The following TSGA10 variants were observed in gnomAD, a reference collection of about 807,000 sequenced individuals.
TSGA10 encodes testis specific 10, also known as testis-specific gene 10 protein.
A neutral mutation model predicts 96.6 loss-of-function variants in TSGA10; 43 were observed. That is an observed-to-expected ratio of 0.44 (90% confidence interval 0.35 to 0.57). The LOEUF is 0.57. TSGA10 is among the 20% of genes least tolerant of loss of function. The pLI is 0.01. For synonymous variants in TSGA10, 229 were observed against 269.9 expected, an observed-to-expected ratio of 0.85 and a Z score of 1.48; for missense variants, 703 against 834.4, an observed-to-expected ratio of 0.84 and a Z score of 1.94.
At chr2:99,025,095 A>G (rs1364322545) in intron 17 of TSGA10, among the ~76,000 whole-genome samples, 1 of 151,982 alleles carries the variant, frequency 6.6e-6, no homozygotes, top group Non-Finnish European at 1.5e-5. Flanking sequence ...CTGCAGTTTT[A>G]TTTTCCTGTG....
chr2:99,125,084 CTT>C (rs2092759346), intron 2 of TSGA10: 1 of 152,100 alleles, frequency 6.6e-6, no homozygotes, highest in Non-Finnish European at 1.5e-5. Context: ...AACTACTGCT[CTT>C]TTTATGGTTT....
chr2:99,086,006 T>A (rs773492882), intron 10 of TSGA10, among the ~76,000 whole-genome samples: 13 of 152,088 alleles, frequency 8.5e-5, no homozygotes, highest in Non-Finnish European at 1.5e-4. Context: ...AGATATATGG[T>A]CAATCGATTT....
chr2:99,132,257 C>T (rs1416938198), intron 1 of TSGA10, among the ~76,000 whole-genome samples: 1 of 150,290 alleles, frequency 6.7e-6, no homozygotes, highest in Non-Finnish European at 1.5e-5. Context: ...TAATCCTGGG[C>T]TTTTTTTTTG....
intron 15 of TSGA10, among the ~76,000 whole-genome samples, chr2:99,065,654 T>G (rs1269923559): frequency 6.6e-6 from 1 of 152,238 alleles, no homozygotes; most frequent in African/African-American, 2.4e-5. Context: ...ATTATCTTGA[T>G]CATGAACTGT....
intron 2 of TSGA10, among the ~76,000 whole-genome samples, chr2:99,120,311 T>C (rs1220814132): frequency 1.3e-5 from 2 of 152,198 alleles, no homozygotes; most frequent in African/African-American, 4.8e-5. Context: ...AAAAGTACTT[T>C]AGAAGAGGCA....
intron 12 of TSGA10, among the ~76,000 whole-genome samples, chr2:99,077,433 C>G (rs189048612): frequency 3.9e-5 from 6 of 152,242 alleles, no homozygotes; most frequent in Non-Finnish European, 7.4e-5. Context: ...TAATAAAGCC[C>G]TTATTCCAAT....
intron 20 of TSGA10, among the ~76,000 whole-genome samples, chr2:99,008,871 A>G (rs1396709956): frequency 6.6e-6 from 1 of 152,226 alleles, no homozygotes; most frequent in Non-Finnish European, 1.5e-5. Flanking sequence ...CTATGAATCA[A>G]TATGGAGAGA....
Position 99,071,816 on chromosome 2 carries a change from A to C in TSGA10, c.997T>G (p.Leu333Val), listed in dbSNP as rs544197318. 13 of 1,613,846 alleles carry C rather than the reference A, an allele frequency of 8.1e-6. No homozygotes were observed. Among genetic ancestry groups the C allele is most frequent in the Admixed American group, 5.0e-5 (3 of 59,992 alleles). Residue 333 changes from leucine to valine, a missense_variant, in exon 14 of 21, where the codon TTG (leucine) becomes GTG (valine). This residue lies in a region of TSGA10 where 585 missense variants were observed against 656.8 expected (regional missense o/e 0.89). Transcript: ENST00000393483. The part of the protein sequence containing the change: ...EQDVSRMRRQ[L>V]DETNDELAQI... ...GCCAGCTCATCATTTGTCTCATCCA[A>C]TTGCCGACGCATTCTGGAAACGTCT...
At chr2:99,154,213 C>G (rs1228586054) in intron 1 of TSGA10, 1 of 152,260 alleles carries the variant, frequency 6.6e-6, no homozygotes, top group Non-Finnish European at 1.5e-5. Flanking sequence ...GAAGAATCAC[C>G]CACCTTGCCC....
chr2:99,153,341 T>C (rs892341504), intron 1 of TSGA10, among the ~76,000 whole-genome samples: 12 of 152,342 alleles, frequency 7.9e-5, no homozygotes, highest in Admixed American at 6.5e-4. Context: ...ATAGCAGTTT[T>C]TCCAAGAAGC....
intron 1 of TSGA10, among the ~76,000 whole-genome samples, chr2:99,144,446 T>C (rs2093610921): frequency 2.6e-5 from 4 of 152,100 alleles, no homozygotes; most frequent in Non-Finnish European, 5.9e-5. Flanking sequence ...GAACTGCCTG[T>C]TGTCCAATAT....
rs905302407 is a variant in TSGA10 at position 99,002,064 on chromosome 2, G to A, written c.2073-3843C>T. ...GGAACCAAGTTGGAAAACACTCTGC[G>A]GGATATTATCCAGGAGAACTTCCCC... is the stretch of plus-strand genomic sequence containing the variant. On this transcript the variant is annotated intron_variant, in intron 20 of 20. Transcript: ENST00000393483. 6.6e-5 allele frequency among the ~76,000 whole-genome samples: 10 copies of A among 152,238 alleles called. No individual in the cohort carries two copies. The South Asian group carries it at 8.3e-4, about 13-fold the overall frequency.
chr2:99,080,540 C>T (rs1189293597), intron 11 of TSGA10, among the ~76,000 whole-genome samples: 1 of 152,102 alleles, frequency 6.6e-6, no homozygotes. Flanking sequence ...CAGCTGCTTA[C>T]CTTAGATCTT....
intron 10 of TSGA10, chr2:99,102,363 T>C (rs1213325163): frequency 6.2e-7 from 1 of 1,612,994 alleles, no homozygotes; most frequent in Admixed American, 1.7e-5. Context: ...CAGTGTCCCA[T>C]CAGTTGAGCA....
intron 16 of TSGA10, among the ~76,000 whole-genome samples, chr2:99,058,978 G>T (rs906857931): frequency 6.0e-5 from 9 of 149,256 alleles, no homozygotes; most frequent in African/African-American, 1.7e-4. Context: ...GGAGGTTGCA[G>T]CAAGCTGAGA....
At chr2:99,070,727 T>C (rs2085863233) in intron 14 of TSGA10, among the ~76,000 whole-genome samples, 1 of 152,132 alleles carries the variant, frequency 6.6e-6, no homozygotes. Context: ...AATTCCCATG[T>C]TTTGGTTTTT....
chr2:99,109,277 C>A, intron 6 of TSGA10, 112 bp downstream of exon 6: 2 of 1,177,130 alleles, frequency 1.7e-6, no homozygotes, highest in Non-Finnish European at 2.5e-6. Flanking sequence ...CCCTTTGAAA[C>A]AGCAATTCAC....
chr2:99,100,420 G>A (rs6728723), intron 10 of TSGA10, among the ~76,000 whole-genome samples: 126,643 of 152,168 alleles, frequency 0.83, 53,317 homozygotes, highest in East Asian at 0.97. Flanking sequence ...GCAGAGCAGT[G>A]AAGGACAATC....
At chr2:99,026,255 G>A (rs184806092) in intron 17 of TSGA10, among the ~76,000 whole-genome samples, 50 of 152,132 alleles carry the variant, frequency 3.3e-4, no homozygotes, top group Admixed American at 3.0e-3. Context: ...CTACATAGCT[G>A]TTTTTCTTCC....
Sources: allele counts gnomAD v4.1 joint callset (sites outside exome capture counted in the v4.1 genomes callset), GRCh38; gene constraint gnomAD v4.1.1; regional missense constraint gnomAD v4.1.1; transcripts MANE v1.5; gene names NCBI Gene and HGNC (gene_info 2026-07-23, HGNC 2026-07-21).